The following SPIRE1 variants were observed in gnomAD, a reference collection of about 807,000 sequenced individuals.
SPIRE1 encodes the protein protein spire homolog 1.
SPIRE1 carries 40 observed loss-of-function variants against 94.1 expected under a neutral mutation model. The ratio of observed to expected loss-of-function variants is 0.43; its 90% CI spans 0.33 to 0.55. The LOEUF (loss-of-function observed/expected upper bound fraction) is 0.55, where lower values mean the gene tolerates loss of function less well. Among genes scored for constraint, SPIRE1 ranks in the 20% least tolerant of loss-of-function variants. SPIRE1 has a pLI of 0.06. For missense variants in SPIRE1, 838 were observed against 975.2 expected, an observed-to-expected ratio of 0.86 and a Z score of 1.87; for synonymous variants, 376 against 371.7, an observed-to-expected ratio of 1.01 and a Z score of -0.13.
chr18:12,598,730 T>G (rs1023162334), intron 2 of SPIRE1, among the ~76,000 whole-genome samples: 1 of 152,050 alleles, frequency 6.6e-6, no homozygotes, highest in Non-Finnish European at 1.5e-5. Context: ...CAAGAGGAAG[T>G]GGCTGCTGGA....
rs528578830 is a variant in SPIRE1, at chr18:12,563,061, A to C, written c.373-16157T>G. Among the ~76,000 whole-genome samples, 7 of 151,782 alleles carry C rather than the reference A, an allele frequency of 4.6e-5. No individual in the cohort carries two copies. The South Asian group carries it at 1.5e-3, about 32-fold the overall frequency. Reference sequence around the variant, plus strand: ...TATTGGTGACAACACGAATATGCTAATACTACTGTGGTTTATCACTTAGAT... The same window carrying C: ...TATTGGTGACAACACGAATATGCTACTACTACTGTGGTTTATCACTTAGAT... On this transcript the variant is annotated intron_variant, in intron 2 of 16. Transcript: ENST00000409402.
At chr18:12,490,313 AG>A (rs139228418) in intron 8 of SPIRE1, among the ~76,000 whole-genome samples, 19,068 of 152,194 alleles carry the variant, frequency 0.13, 1,353 homozygotes, top group African/African-American at 0.16. Flanking sequence ...GCTTGCTATG[AG>A]AGATTGAATC....
At chr18:12,474,236 G>A (rs938210944) in intron 10 of SPIRE1, among the ~76,000 whole-genome samples, 2 of 152,194 alleles carry the variant, frequency 1.3e-5, no homozygotes, top group Non-Finnish European at 2.9e-5. Context: ...CAATTGTTCT[G>A]TGGGCTTCAT....
At chr18:12,501,413 C>A (rs1288344537) in intron 6 of SPIRE1, among the ~76,000 whole-genome samples, 1 of 152,178 alleles carries the variant, frequency 6.6e-6, no homozygotes, top group Non-Finnish European at 1.5e-5. Flanking sequence ...GAGACAGAGT[C>A]TCGCTCTGCC....
intron 2 of SPIRE1, among the ~76,000 whole-genome samples, chr18:12,558,417 C>T (rs8088431): frequency 0.031 from 4,773 of 152,234 alleles, 136 homozygotes; most frequent in Middle Eastern, 0.061. Context: ...GAGTGAGCAC[C>T]GGCAAGATTT....
chr18:12,626,877 T>TAA (rs201449451), intron 2 of SPIRE1, among the ~76,000 whole-genome samples: 1,241 of 49,270 alleles, frequency 0.025, 21 homozygotes, highest in African/African-American at 0.072. Context: ...AATATATATA[T>TAA]ATATATATAT....
intron 1 of SPIRE1, among the ~76,000 whole-genome samples, chr18:12,637,081 C>T (rs1220301454): frequency 2.6e-5 from 4 of 152,054 alleles, no homozygotes; most frequent in Admixed American, 2.0e-4. Context: ...ATGAGTTGGC[C>T]AAGTGCAGTG....
At chr18:12,484,007 T>C (rs1402360957) in intron 9 of SPIRE1, among the ~76,000 whole-genome samples, 1 of 152,234 alleles carries the variant, frequency 6.6e-6, no homozygotes, top group Non-Finnish European at 1.5e-5. Flanking sequence ...GCTACCCTTT[T>C]ACACTAAGAA....
intron 2 of SPIRE1, among the ~76,000 whole-genome samples, chr18:12,552,686 T>C (rs2035387003): frequency 6.6e-6 from 1 of 152,084 alleles, no homozygotes; most frequent in South Asian, 2.1e-4. Flanking sequence ...TAATTACCAG[T>C]GTATGCAACC....
intron 6 of SPIRE1, among the ~76,000 whole-genome samples, chr18:12,502,676 A>C (rs114048385): frequency 6.6e-6 from 1 of 152,174 alleles, no homozygotes; most frequent in African/African-American, 2.4e-5. Context: ...AAAAATTTAA[A>C]CCATGGGGAT....
chr18:12,656,272 CACT>C (rs1222338399), intron 1 of SPIRE1, among the ~76,000 whole-genome samples: 1 of 152,090 alleles, frequency 6.6e-6, no homozygotes, highest in Non-Finnish European at 1.5e-5. Flanking sequence ...AAGTATTTCC[CACT>C]AAGATTAAGT....
chr18:12,451,049 G>C, intron 16 of SPIRE1: 2 of 437,148 alleles, frequency 4.6e-6, no homozygotes, highest in Non-Finnish European at 4.1e-6. Flanking sequence ...GGAGGAGGAG[G>C]ATGAATAAGA....
chr18:12,620,506 C>G (rs2037435315), intron 2 of SPIRE1, among the ~76,000 whole-genome samples: 1 of 152,206 alleles, frequency 6.6e-6, no homozygotes, highest in African/African-American at 2.4e-5. Context: ...TAAACCCATA[C>G]ATCTATAATC....
intron 1 of SPIRE1, among the ~76,000 whole-genome samples, chr18:12,635,895 GT>G (rs549608024): frequency 6.4e-4 from 93 of 144,350 alleles, no homozygotes; most frequent in East Asian, 4.6e-3. Context: ...GGTTTTTTTT[GT>G]TTTTTTTTTT....
chr18:12,632,547 T>A (rs145197179), intron 2 of SPIRE1, among the ~76,000 whole-genome samples: 44 of 152,326 alleles, frequency 2.9e-4, no homozygotes, highest in African/African-American at 1.0e-3. Context: ...TACTTTTTTT[T>A]AAATCAAACA....
intron 1 of SPIRE1, among the ~76,000 whole-genome samples, chr18:12,635,672 T>G (rs1017462306): frequency 6.6e-6 from 1 of 152,320 alleles, no homozygotes; most frequent in Middle Eastern, 3.4e-3. Flanking sequence ...AATATTTGGC[T>G]GCACCAACAT....
Position 12,657,708 on chromosome 18 carries a change from G to T in SPIRE1, c.159C>A (p.Ile53=). The change falls in exon 1 of 17, where the codon ATC becomes ATA. Residue 53 remains isoleucine, a synonymous_variant. Transcript: ENST00000409402. The stretch of plus-strand genomic sequence containing the variant: ...ACACGGCCCACGCCTGCTCCTCGTT[G>T]ATGGGCTGGTTGTACAGCCGCAGGA... The part of the protein sequence containing the change: ...EEILRLYNQP[I]NEEQAWAVCY... 7.1e-7 allele frequency: 1 copy of T among 1,407,116 alleles called. No homozygotes were observed. 87.2% of individuals were successfully genotyped at this position (1,407,116 alleles called of 1,614,324 possible).
At chr18:12,549,408 G>C (rs1347831562) in intron 2 of SPIRE1, among the ~76,000 whole-genome samples, 1 of 40,412 alleles carries the variant, frequency 2.5e-5, no homozygotes, top group African/African-American at 1.1e-4. Flanking sequence ...TTCTTTTTTT[G>C]TTTTGCTTTT....
chr18:12,464,836 C>T (rs1260226210), intron 11 of SPIRE1, 32 bp downstream of exon 11: 5 of 1,572,534 alleles, frequency 3.2e-6, no homozygotes, highest in Middle Eastern at 1.7e-4. Context: ...GTAAGACATC[C>T]GACTACAGCT....
Sources: gnomAD v4.1 joint callset for allele counts (sites outside exome capture counted in the v4.1 genomes callset) on GRCh38, gnomAD v4.1.1 for gene constraint, MANE v1.5 for transcripts, NCBI Gene and HGNC (gene_info 2026-07-23, HGNC 2026-07-21) for gene names.